Variants in IL1RAPL2 observed in about 807,000 individuals in gnomAD.
The protein encoded by IL1RAPL2 is X-linked interleukin-1 receptor accessory protein-like 2.
Under a neutral mutation model 44.1 loss-of-function variants are expected in IL1RAPL2, and 3 were observed. The ratio of observed to expected loss-of-function variants is 0.07; its 90% CI spans 0.03 to 0.18. The LOEUF is 0.18. Ranked by LOEUF, IL1RAPL2 falls within the 10% of genes least tolerant of loss-of-function variation. IL1RAPL2 has a pLI of 1.00. For missense variants in IL1RAPL2, 391 were observed against 496.4 expected, an observed-to-expected ratio of 0.79 and a Z score of 2.02; for synonymous variants, 181 against 178.8, an observed-to-expected ratio of 1.01 and a Z score of -0.10.
At chrX:105,293,714 G>A (rs1300894722) in intron 5 of IL1RAPL2, among the ~76,000 whole-genome samples, 1 of 110,738 alleles carries the variant, frequency 9.0e-6, no homozygotes, top group Non-Finnish European at 1.9e-5. Context: ...CTCGCACCTT[G>A]GTACAGATAA....
chrX:105,572,068 T>C (rs1286459393), intron 6 of IL1RAPL2, among the ~76,000 whole-genome samples: 2 of 111,787 alleles, frequency 1.8e-5, no homozygotes, highest in African/African-American at 6.5e-5. Flanking sequence ...ATGTCCATTT[T>C]CACTTATTCT....
chrX:104,906,578 C>T (rs1426668737), intron 2 of IL1RAPL2, among the ~76,000 whole-genome samples: 1 of 111,856 alleles, frequency 8.9e-6, no homozygotes, highest in African/African-American at 3.2e-5. Flanking sequence ...TGGTTTTTGT[C>T]TTTGGCTCTG....
intron 2 of IL1RAPL2, among the ~76,000 whole-genome samples, chrX:104,835,376 C>T (rs2147631509): frequency 9.1e-6 from 1 of 110,066 alleles, no homozygotes; most frequent in African/African-American, 3.3e-5. Flanking sequence ...AAAACTGATA[C>T]TATCAGGAAA....
intron 2 of IL1RAPL2, among the ~76,000 whole-genome samples, chrX:104,831,632 A>G (rs1346582212): frequency 9.0e-6 from 1 of 111,668 alleles, no homozygotes; most frequent in Non-Finnish European, 1.9e-5. Context: ...AACTTTGGCT[A>G]CAGCTATCAT....
intron 2 of IL1RAPL2, among the ~76,000 whole-genome samples, chrX:104,855,700 C>CTTTTTTTTTTTTTTTTTTT (rs1922346311): frequency 2.5e-5 from 1 of 39,331 alleles, no homozygotes; most frequent in African/African-American, 8.6e-5. Context: ...TTTTTTTTTA[C>CTTTTTTTTTTTTTTTTTTT]TGTATCTCTC....
At position 104,941,143 on chromosome X, in the gene IL1RAPL2, A is replaced by C. The variant is rs756839440; in HGVS notation, c.83-254332A>C. On this transcript the variant is annotated intron_variant, in intron 2 of 10. Transcript: ENST00000372582. ...TTGGTTCCAAGTCTTTGCTATTGTG[A>C]ATAGTGCCGCAATAAACATATGTGT... Among the ~76,000 whole-genome samples, 17 of 110,811 alleles carry C rather than the reference A, an allele frequency of 1.5e-4. No individual in the cohort carries two copies. The South Asian group carries it at 5.9e-3, about 39-fold the overall frequency.
intron 5 of IL1RAPL2, among the ~76,000 whole-genome samples, chrX:105,456,353 C>A (rs1451571686): frequency 9.0e-6 from 1 of 111,444 alleles, no homozygotes; most frequent in Admixed American, 9.6e-5. Context: ...TTTCCAACAT[C>A]ATGTTGAATA....
intron 2 of IL1RAPL2, among the ~76,000 whole-genome samples, chrX:104,660,640 C>CACAT (rs1191044906): frequency 4.9e-5 from 5 of 101,612 alleles, no homozygotes; most frequent in East Asian, 6.2e-4. Flanking sequence ...CACACACACA[C>CACAT]ATACACATAT....
intron 2 of IL1RAPL2, among the ~76,000 whole-genome samples, chrX:105,042,395 A>ACC (rs1253766912): frequency 9.1e-6 from 1 of 109,704 alleles, no homozygotes; most frequent in Non-Finnish European, 1.9e-5. Flanking sequence ...GAAACAAACA[A>ACC]CCCCATCAAC....
intron 3 of IL1RAPL2, among the ~76,000 whole-genome samples, chrX:105,205,563 C>G (rs1398186417): frequency 3.7e-5 from 3 of 81,457 alleles, no homozygotes; most frequent in African/African-American, 1.4e-4. Flanking sequence ...GCACTCCAGC[C>G]TCGGCGACAG....
At chrX:105,444,597 ATAAT>A (rs1293734468) in intron 5 of IL1RAPL2, among the ~76,000 whole-genome samples, 1 of 111,587 alleles carries the variant, frequency 9.0e-6, no homozygotes, top group Non-Finnish European at 1.9e-5. Context: ...TTAATATATA[ATAAT>A]TACAAATATC....
chrX:104,881,199 T>C lies in IL1RAPL2; in HGVS notation c.82+222204T>C, dbSNP rs1254489731. Among the ~76,000 whole-genome samples, 5 of 111,584 alleles carry C rather than the reference T, an allele frequency of 4.5e-5. No homozygotes were observed. In the Admixed American group the frequency reaches 4.8e-4, roughly 11 times the overall value. On this transcript the variant is annotated intron_variant, in intron 2 of 10. Coordinates refer to ENST00000372582, the MANE Select transcript of IL1RAPL2 (RefSeq NM_017416.2). Reference sequence around the variant, plus strand: ...ATGTTAATTTTGTAGATATTTTTCATGCACCTAGAGAATATTTTAAACACA... The same window carrying C: ...ATGTTAATTTTGTAGATATTTTTCACGCACCTAGAGAATATTTTAAACACA...
intron 6 of IL1RAPL2, among the ~76,000 whole-genome samples, chrX:105,525,448 C>G (rs2036589284): frequency 9.0e-6 from 1 of 110,786 alleles, no homozygotes; most frequent in Non-Finnish European, 1.9e-5. Flanking sequence ...TATCTAGTAC[C>G]TAGATTGTAC....
intron 5 of IL1RAPL2, among the ~76,000 whole-genome samples, chrX:105,370,977 T>A (rs1428515247): frequency 8.9e-6 from 1 of 112,497 alleles, no homozygotes; most frequent in Non-Finnish European, 1.9e-5. Context: ...TTGATGTACA[T>A]TTATCTAATG....
At position 104,930,549 on chromosome X, in the gene IL1RAPL2, G is replaced by T. The variant is rs183117649; in HGVS notation, c.83-264926G>T. On this transcript the variant is annotated intron_variant, in intron 2 of 10. Coordinates refer to ENST00000372582, the MANE Select transcript of IL1RAPL2 (RefSeq NM_017416.2). ...CAAAGTAGGTTGTATTATTATCTCT[G>T]TTTTACAGACGAGGAAGCAGAGAAA... Among the ~76,000 whole-genome samples, 340 of 111,955 alleles carry T rather than the reference G, an allele frequency of 3.0e-3. 1 individual carries two copies. The highest frequency in any genetic ancestry group is 0.01 in the African/African-American group (315 of 30,829).
At chrX:105,409,807 T>TATAGATGATAGATAG (rs1556311254) in intron 5 of IL1RAPL2, among the ~76,000 whole-genome samples, 1 of 89,418 alleles carries the variant, frequency 1.1e-5, no homozygotes, top group African/African-American at 4.5e-5. Flanking sequence ...GGCTTTGATT[T>TATAGATGATAGATAG]ATAGATAGAT....
intron 2 of IL1RAPL2, among the ~76,000 whole-genome samples, chrX:104,761,898 T>C: frequency 1.9e-5 from 1 of 53,770 alleles, no homozygotes. Context: ...CTTCTCCTTC[T>C]CCTTCTCCTT....
intron 2 of IL1RAPL2, among the ~76,000 whole-genome samples, chrX:105,121,107 A>G (rs1334736776): frequency 1.8e-5 from 2 of 111,837 alleles, no homozygotes; most frequent in African/African-American, 6.5e-5. Flanking sequence ...GAAATCTTGA[A>G]TAAGACATAA....
At chrX:105,702,902 C>T (rs2038131750) in intron 6 of IL1RAPL2, among the ~76,000 whole-genome samples, 1 of 111,930 alleles carries the variant, frequency 8.9e-6, no homozygotes, top group Admixed American at 9.5e-5. Context: ...AGGTTATATA[C>T]TTCAGTCTTT....
Sources: allele counts gnomAD v4.1 joint callset (sites outside exome capture counted in the v4.1 genomes callset), GRCh38; gene constraint gnomAD v4.1.1; transcripts MANE v1.5; gene names NCBI Gene and HGNC (gene_info 2026-07-23, HGNC 2026-07-21).